Variants in BCL2 observed in about 807,000 individuals in gnomAD.
BCL2 encodes the protein apoptosis regulator Bcl-2.
In BCL2, 1 loss-of-function variant was observed where a neutral mutation model predicts 14.2. The ratio of observed to expected loss-of-function variants is 0.07; its 90% CI spans 0.02 to 0.33. The LOEUF (loss-of-function observed/expected upper bound fraction) is 0.33, where lower values mean the gene tolerates loss of function less well. Ranked by LOEUF, BCL2 falls within the 10% of genes least tolerant of loss-of-function variation. The pLI is 0.99. For synonymous variants in BCL2, 151 were observed against 137.2 expected (o/e 1.10, Z -0.70); for missense variants, 247 against 305.9 (o/e 0.81, Z 1.44).
chr18:63,216,631 G>A (rs1910213160), intron 2 of BCL2, among the ~76,000 whole-genome samples: 1 of 152,092 alleles, frequency 6.6e-6, no homozygotes, highest in African/African-American at 2.4e-5. Context: ...ATCAAGGAAA[G>A]GTACAATACC....
intron 2 of BCL2, among the ~76,000 whole-genome samples, chr18:63,141,257 G>A (rs1914352651): frequency 6.6e-6 from 1 of 152,184 alleles, no homozygotes; most frequent in Admixed American, 6.5e-5. Context: ...CTTGGGTTCT[G>A]TTGGTGCGTG....
intron 2 of BCL2, among the ~76,000 whole-genome samples, chr18:63,279,140 A>G (rs766935765): frequency 1.7e-4 from 26 of 152,260 alleles, no homozygotes; most frequent in Non-Finnish European, 1.9e-4. Flanking sequence ...GATAGGCAAC[A>G]TTGTCAAACA....
chr18:63,209,167 A>G lies in BCL2; in HGVS notation c.586-80408T>C, dbSNP rs576370243. On this transcript the variant is annotated intron_variant, in intron 2 of 2. Coordinates refer to ENST00000333681, the MANE Select transcript of BCL2 (RefSeq NM_000633.3). The stretch of plus-strand genomic sequence containing the variant: ...AGTGTGGTAGGGTCCTTCGTCAAGG[A>G]GACCCGGCCTCCTCTTCATTCAAGG... Among the ~76,000 whole-genome samples the G allele has an allele frequency of 3.9e-5, 6 of 152,332 alleles. No homozygotes were observed. In the East Asian group the frequency reaches 1.2e-3, roughly 29 times the overall value.
intron 2 of BCL2, among the ~76,000 whole-genome samples, chr18:63,164,095 G>A (rs765840541): frequency 2.4e-5 from 2 of 81,974 alleles, no homozygotes; most frequent in African/African-American, 1.1e-4. Context: ...AAGAAGTATG[G>A]TGGTGGTATG....
At chr18:63,283,808 T>C (rs1912385935) in intron 2 of BCL2, among the ~76,000 whole-genome samples, 2 of 152,188 alleles carry the variant, frequency 1.3e-5, no homozygotes, top group Non-Finnish European at 2.9e-5. Flanking sequence ...GATGAAACCA[T>C]GAAGTTTGGT....
chr18:63,255,826 C>CT (rs919717854), intron 2 of BCL2, among the ~76,000 whole-genome samples: 2 of 151,098 alleles, frequency 1.3e-5, no homozygotes, highest in African/African-American at 4.9e-5. Context: ...GGCTGCAGCC[C>CT]TCCCCCCCCG....
At chr18:63,274,539 A>G (rs1312132014) in intron 2 of BCL2, among the ~76,000 whole-genome samples, 1 of 151,758 alleles carries the variant, frequency 6.6e-6, no homozygotes, top group Non-Finnish European at 1.5e-5. Context: ...CCCATCTTGG[A>G]CTCCCAAAGT....
At chr18:63,249,092 G>A (rs1407889483) in intron 2 of BCL2, among the ~76,000 whole-genome samples, 1 of 152,164 alleles carries the variant, frequency 6.6e-6, no homozygotes, top group Non-Finnish European at 1.5e-5. Context: ...AGTCCTGCAG[G>A]AAAGAAACCT....
In BCL2 at chr18:63,228,834, G is replaced by A. The variant is rs957410212; in HGVS notation, c.585+89248C>T. On this transcript the variant is annotated intron_variant, in intron 2 of 2. Coordinates refer to ENST00000333681, the MANE Select transcript of BCL2 (RefSeq NM_000633.3). ...AGTAATTCTTGTGCCTCAGCCTCTCGAGTAGCTGGGACTACAGGCATGTGC... is the reference window on the plus strand; with the variant it reads ...AGTAATTCTTGTGCCTCAGCCTCTCAAGTAGCTGGGACTACAGGCATGTGC... Among the ~76,000 whole-genome samples the A allele has an allele frequency of 3.9e-5, 6 of 152,136 alleles. No individual in the cohort carries two copies. The East Asian group carries it at 1.2e-3, about 29-fold the overall frequency.
chr18:63,165,177 C>T (rs1231288982), intron 2 of BCL2, among the ~76,000 whole-genome samples: 1 of 152,152 alleles, frequency 6.6e-6, no homozygotes, highest in Non-Finnish European at 1.5e-5. Flanking sequence ...ATGTGGTGCC[C>T]TGCAAGGCTC....
chr18:63,266,604 ATCTCTC>A (rs36078664), intron 2 of BCL2, among the ~76,000 whole-genome samples: 1,501 of 141,402 alleles, frequency 0.011, 21 homozygotes, highest in Middle Eastern at 0.014. Context: ...TGGAACATAA[ATCTCTC>A]TCTCTCTCTC....
chr18:63,305,141 C>G (rs1172272115), intron 2 of BCL2, among the ~76,000 whole-genome samples: 1 of 152,190 alleles, frequency 6.6e-6, no homozygotes, highest in Admixed American at 6.5e-5. Flanking sequence ...CCCTCTGCTG[C>G]AAGCATGAGA....
intron 2 of BCL2, among the ~76,000 whole-genome samples, chr18:63,240,733 G>T (rs1238462583): frequency 6.6e-6 from 1 of 152,192 alleles, no homozygotes; most frequent in Non-Finnish European, 1.5e-5. Flanking sequence ...CAGCAATTTA[G>T]CTATTTCTTG....
chr18:63,210,290 C>T (rs1056376813), intron 2 of BCL2, among the ~76,000 whole-genome samples: 1 of 152,116 alleles, frequency 6.6e-6, no homozygotes, highest in African/African-American at 2.4e-5. Flanking sequence ...TAGTGGAGGC[C>T]TTGGGGGTGG....
rs1913874781 is a variant in BCL2 at position 63,125,040 on chromosome 18, G to A, written c.*3585C>T. 1 of 221,708 alleles carries A rather than the reference G, an allele frequency of 4.5e-6. No individual in the cohort carries two copies. The highest frequency in any genetic ancestry group is 5.8e-5 in the Admixed American group (1 of 17,370). The allele number at this position is 221,708 out of a possible 1,614,324, so 13.7% of individuals were successfully genotyped here. A position where few individuals can be genotyped will look rare whatever the true frequency, so the allele number is the denominator to read the frequency against. ...CAATTCTGTTCACTCAATAGATCCT[G>A]GAGGTGAAAGCTAGACATGTGTTGG... On this transcript the variant is annotated 3_prime_UTR_variant, in exon 3 of 3. Transcript: ENST00000333681.
chr18:63,125,767 A>G lies in BCL2; in HGVS notation c.*2858T>C. ...TGTTTTTAACAATAAGGAAAATGCAACATCAACTACTCTTAGAGCAAGTGC... is the reference window on the plus strand; with the variant it reads ...TGTTTTTAACAATAAGGAAAATGCAGCATCAACTACTCTTAGAGCAAGTGC... On this transcript the variant is annotated 3_prime_UTR_variant, in exon 3 of 3. Transcript: ENST00000333681. 3 of 217,750 alleles carry G rather than the reference A, an allele frequency of 1.4e-5. No individual in the cohort carries two copies. Among genetic ancestry groups the G allele is most frequent in the Non-Finnish European group, 2.8e-5 (3 of 108,144 alleles). 13.5% of individuals were successfully genotyped at this position (217,750 alleles called of 1,614,324 possible).
chr18:63,302,496 C>G, intron 2 of BCL2: 2 of 985,330 alleles, frequency 2.0e-6, no homozygotes, highest in South Asian at 9.4e-5. Flanking sequence ...TGAAATACCA[C>G]GAAGCTCTAC....
At chr18:63,297,829 GC>G (rs1912842910) in intron 2 of BCL2, among the ~76,000 whole-genome samples, 1 of 152,156 alleles carries the variant, frequency 6.6e-6, no homozygotes, top group Admixed American at 6.5e-5. Context: ...TCCTTCGCAA[GC>G]CACCTTTAAC....
At chr18:63,202,897 T>A (rs2144665844) in intron 2 of BCL2, among the ~76,000 whole-genome samples, 1 of 152,328 alleles carries the variant, frequency 6.6e-6, no homozygotes, top group East Asian at 1.9e-4. Context: ...GGGAATTCTA[T>A]AATATAGCTT....
Sources: gnomAD v4.1 joint callset for allele counts (sites outside exome capture counted in the v4.1 genomes callset) on GRCh38, gnomAD v4.1.1 for gene constraint, MANE v1.5 for transcripts, NCBI Gene and HGNC (gene_info 2026-07-23, HGNC 2026-07-21) for gene names.